Variants in CDH18 observed in about 807,000 individuals in gnomAD.
The protein encoded by CDH18 is cadherin 18, also known as cadherin-18.
A neutral mutation model predicts 67.9 loss-of-function variants in CDH18; 31 were observed. The ratio of observed to expected loss-of-function variants is 0.46; its 90% confidence interval spans 0.34 to 0.62. The LOEUF is 0.62. Ranked by LOEUF, CDH18 falls within the 20% of genes least tolerant of loss-of-function variation. The probability of loss-of-function intolerance (pLI) is 0.01; values close to 1 mark genes in which losing one functional copy is unlikely to be tolerated. For missense variants in CDH18, 890 were observed against 975.5 expected (o/e 0.91, Z 1.17); for synonymous variants, 362 against 347.2 (o/e 1.04, Z -0.48).
chr5:19,553,314 T>C (rs1031870805), intron 8 of CDH18, among the ~76,000 whole-genome samples: 1 of 152,090 alleles, frequency 6.6e-6, no homozygotes, highest in African/African-American at 2.4e-5. Context: ...TTAAAACTTA[T>C]GTAACAGAAA....
intron 5 of CDH18, among the ~76,000 whole-genome samples, chr5:19,714,653 T>A (rs1765131088): frequency 6.6e-6 from 1 of 152,074 alleles, no homozygotes; most frequent in African/African-American, 2.4e-5. Context: ...TTTTAAATGT[T>A]TCTACAGTAA....
intron 5 of CDH18, among the ~76,000 whole-genome samples, chr5:19,662,784 T>C (rs1308519492): frequency 6.6e-6 from 1 of 152,064 alleles, no homozygotes; most frequent in African/African-American, 2.4e-5. Flanking sequence ...AATGTATGAC[T>C]GAATTTAAAA....
chr5:19,882,396 T>C (rs1024033027), intron 2 of CDH18, among the ~76,000 whole-genome samples: 7 of 152,284 alleles, frequency 4.6e-5, no homozygotes, highest in Middle Eastern at 6.8e-3. Flanking sequence ...CACATTACCT[T>C]GTGGCTGTTT....
intron 2 of CDH18, among the ~76,000 whole-genome samples, chr5:19,864,378 T>G (rs1312639659): frequency 4.7e-5 from 3 of 63,840 alleles, no homozygotes; most frequent in African/African-American, 6.4e-5. Context: ...GGGACTGTTG[T>G]GTGGTGGGGG....
chr5:19,503,430 G>A (rs1383632978), intron 10 of CDH18, among the ~76,000 whole-genome samples: 1 of 152,032 alleles, frequency 6.6e-6, no homozygotes, highest in Admixed American at 6.6e-5. Context: ...AATACCTGTT[G>A]GAGGAGACAT....
intron 2 of CDH18, among the ~76,000 whole-genome samples, chr5:19,875,434 A>C (rs201952689): frequency 6.8e-6 from 1 of 146,500 alleles, no homozygotes; most frequent in African/African-American, 2.7e-5. Flanking sequence ...ATAGATAGAT[A>C]GATAGATCGA....
chr5:20,436,514 ACGTGGT>A (rs1172163219), intron 1 of CDH18, among the ~76,000 whole-genome samples: 3 of 152,002 alleles, frequency 2.0e-5, no homozygotes, highest in Non-Finnish European at 4.4e-5. Flanking sequence ...GTAACAGGAC[ACGTGGT>A]AGCTCCTTTA....
chr5:20,334,389 G>A (rs1288954926), intron 1 of CDH18, among the ~76,000 whole-genome samples: 14 of 151,286 alleles, frequency 9.3e-5, no homozygotes, highest in Non-Finnish European at 4.4e-5. Flanking sequence ...CGCCCGCCTC[G>A]GCCTCCCAAA....
chr5:20,171,940 T>C (rs1393173394), intron 2 of CDH18, among the ~76,000 whole-genome samples: 1 of 151,420 alleles, frequency 6.6e-6, no homozygotes, highest in African/African-American at 2.4e-5. Context: ...CTTCTGCATA[T>C]GGCTAGCCAG....
intron 6 of CDH18, among the ~76,000 whole-genome samples, chr5:19,607,027 A>C (rs2150087863): frequency 6.6e-6 from 1 of 151,858 alleles, no homozygotes; most frequent in South Asian, 2.1e-4. Flanking sequence ...ATTAATAATT[A>C]TTGAAATGGA....
intron 1 of CDH18, among the ~76,000 whole-genome samples, chr5:20,420,822 T>C (rs1580962386): frequency 6.6e-6 from 1 of 151,442 alleles, no homozygotes; most frequent in East Asian, 1.9e-4. Flanking sequence ...TAATAACTTT[T>C]ATGGCATTTT....
chr5:20,158,789 T>C (rs963140561), intron 2 of CDH18: 11 of 177,972 alleles, frequency 6.2e-5, no homozygotes, highest in Admixed American at 5.3e-4. Context: ...GAATATAGTG[T>C]GAACCAGAGC....
At chr5:20,277,479 A>C (rs941169580) in intron 1 of CDH18, among the ~76,000 whole-genome samples, 1 of 152,168 alleles carries the variant, frequency 6.6e-6, no homozygotes, top group African/African-American at 2.4e-5. Flanking sequence ...AGATTGGCTG[A>C]AGTGACCAGA....
chr5:20,498,738 C>G (rs1464271737), intron 1 of CDH18, among the ~76,000 whole-genome samples: 1 of 151,914 alleles, frequency 6.6e-6, no homozygotes. Context: ...ACAAAAATAT[C>G]AAACAGATAA....
intron 1 of CDH18, among the ~76,000 whole-genome samples, chr5:20,397,789 T>G (rs1219708942): frequency 6.6e-6 from 1 of 152,182 alleles, no homozygotes; most frequent in Non-Finnish European, 1.5e-5. Context: ...AAACTATTAA[T>G]GTGATAGCTC....
At chr5:19,602,358 G>T (rs1225160424) in intron 6 of CDH18, among the ~76,000 whole-genome samples, 1 of 151,766 alleles carries the variant, frequency 6.6e-6, no homozygotes, top group Non-Finnish European at 1.5e-5. Context: ...AAATATTTAG[G>T]AATAAATCTA....
At chr5:20,464,113 C>T (rs1310030806) in intron 1 of CDH18, among the ~76,000 whole-genome samples, 2 of 152,198 alleles carry the variant, frequency 1.3e-5, no homozygotes, top group Admixed American at 6.5e-5. Flanking sequence ...AATATTCTAA[C>T]TGATGAGGCT....
At chr5:19,709,051 T>C (rs1186766192) in intron 5 of CDH18, among the ~76,000 whole-genome samples, 2 of 152,014 alleles carry the variant, frequency 1.3e-5, no homozygotes, top group Non-Finnish European at 2.9e-5. Context: ...CTTTCAAACC[T>C]GTACTGTTGG....
intron 2 of CDH18, among the ~76,000 whole-genome samples, chr5:20,246,278 C>T (rs1743371107): frequency 6.6e-6 from 1 of 152,106 alleles, no homozygotes; most frequent in South Asian, 2.1e-4. Context: ...AAACTTTATT[C>T]TAGTGACTAT....
Sources: gnomAD v4.1 joint callset for allele counts (sites outside exome capture counted in the v4.1 genomes callset) on GRCh38, gnomAD v4.1.1 for gene constraint, MANE v1.5 for transcripts, NCBI Gene and HGNC (gene_info 2026-07-23, HGNC 2026-07-21) for gene names.